The following ABHD12 variants were observed in gnomAD, a reference collection of about 807,000 sequenced individuals.
ABHD12 encodes the protein lysophosphatidylserine lipase ABHD12.
A neutral mutation model predicts 58.3 loss-of-function variants in ABHD12; 43 were observed. The ratio of observed to expected loss-of-function variants is 0.74; its 90% CI spans 0.58 to 0.95. The LOEUF is 0.95. Among genes scored for constraint, ABHD12 ranks in the 40% least tolerant of loss-of-function variants. ABHD12 has a pLI of 0.00. For synonymous variants in ABHD12, 219 were observed against 211.2 expected (o/e 1.04, Z -0.32); for missense variants, 539 against 537.2 (o/e 1.00, Z -0.03).
chr20:25,294,962 G>A, exon 13 of ABHD12: 1 of 1,614,100 alleles, frequency 6.2e-7, no homozygotes, highest in Non-Finnish European at 8.5e-7. Flanking sequence ...CGTGTCACCT[G>A]TTGGCTTCAG....
At chr20:25,351,839 T>G (rs62213687) in intron 1 of ABHD12, among the ~76,000 whole-genome samples, 77 of 152,034 alleles carry the variant, frequency 5.1e-4, no homozygotes, top group Admixed American at 2.4e-3. Flanking sequence ...GGGTGGAGGT[T>G]GAGGTGAGCT....
At chr20:25,327,782 C>G (rs1318558698) in intron 2 of ABHD12, among the ~76,000 whole-genome samples, 3 of 152,072 alleles carry the variant, frequency 2.0e-5, no homozygotes, top group Admixed American at 6.6e-5. Flanking sequence ...AGATTCTGAC[C>G]CTCCCCAAAT....
In ABHD12 at chr20:25,390,831, G is replaced by C; in HGVS notation, c.-128C>G. On this transcript the variant is annotated 5_prime_UTR_variant, in exon 1 of 13. Transcript: ENST00000339157. ...CGCTCCTCACATCCCAGCCCAGGCCGCTGCGCCGGCTACGAACCAGCGGCG... is the reference window on the plus strand; with the variant it reads ...CGCTCCTCACATCCCAGCCCAGGCCCCTGCGCCGGCTACGAACCAGCGGCG... 1 of 574,782 alleles carries C rather than the reference G, an allele frequency of 1.7e-6. No homozygotes were observed. 35.6% of individuals were successfully genotyped at this position (574,782 alleles called of 1,614,324 possible).
chr20:25,302,925 A>G (rs1191435946), intron 11 of ABHD12, among the ~76,000 whole-genome samples: 1 of 152,086 alleles, frequency 6.6e-6, no homozygotes, highest in Non-Finnish European at 1.5e-5. Flanking sequence ...CACACACCCA[A>G]CTAGTTTGCC....
chr20:25,315,869 C>T (rs981255694), intron 5 of ABHD12, among the ~76,000 whole-genome samples: 2 of 152,254 alleles, frequency 1.3e-5, no homozygotes, highest in Non-Finnish European at 2.9e-5. Context: ...GTGTTCCCTT[C>T]TGCCCTGTGG....
At chr20:25,306,377 A>G (rs2088741764) in intron 10 of ABHD12, among the ~76,000 whole-genome samples, 1 of 151,688 alleles carries the variant, frequency 6.6e-6, no homozygotes, top group Non-Finnish European at 1.5e-5. Context: ...CTGGCCCACA[A>G]TTTTTTTTGT....
chr20:25,300,194 G>A (rs146904153), downstream of ABHD12: 969 of 993,984 alleles, frequency 9.7e-4, 6 homozygotes, highest in Middle Eastern at 7.8e-3. Context: ...GACCCTTCTC[G>A]CGCTGCAGAG....
At chr20:25,302,198 G>C (rs995113615) in intron 12 of ABHD12, 21 bp downstream of exon 12, 7 of 1,612,530 alleles carry the variant, frequency 4.3e-6, no homozygotes, top group Non-Finnish European at 5.9e-6. Flanking sequence ...GAAGCCCCTG[G>C]GTGGGAAGAG....
At chr20:25,353,412 T>G (rs531661265) in intron 1 of ABHD12, among the ~76,000 whole-genome samples, 90 of 152,330 alleles carry the variant, frequency 5.9e-4, no homozygotes, top group Non-Finnish European at 8.7e-4. Context: ...ATGTAAATAT[T>G]TAAGCAGAAT....
intron 1 of ABHD12, among the ~76,000 whole-genome samples, chr20:25,358,705 T>C (rs2089700507): frequency 6.6e-6 from 1 of 152,028 alleles, no homozygotes; most frequent in African/African-American, 2.4e-5. Context: ...GTGCATAGGG[T>C]GGCACTCCGG....
rs2424708 is a variant in ABHD12 at position 25,300,762 on chromosome 20, C to T, written c.*83G>A. Reference sequence around the variant, plus strand: ...CTGAGCATTGCAGGTGCCGGCCCCCCGGGGCTTCAGGATACCGGGCTGCTG... The same window carrying T: ...CTGAGCATTGCAGGTGCCGGCCCCCTGGGGCTTCAGGATACCGGGCTGCTG... On this transcript the variant is annotated 3_prime_UTR_variant, in exon 13 of 13. Transcript: ENST00000339157. 0.44 allele frequency: 701,306 copies of T among 1,608,902 alleles called. 161,498 individuals carry two copies. Among genetic ancestry groups the T allele is most frequent in the East Asian group, 0.91 (40,880 of 44,696 alleles).
At chr20:25,387,606 A>AAAAAAAAAAAAAAAAC (rs2090109566) in intron 1 of ABHD12, among the ~76,000 whole-genome samples, 1 of 150,722 alleles carries the variant, frequency 6.6e-6, no homozygotes. Flanking sequence ...AAAAAAAAAA[A>AAAAAAAAAAAAAAAAC]AATTAACCAG....
chr20:25,312,312 G>T lies in ABHD12; in HGVS notation c.619+2613C>A, dbSNP rs541768791. Among the ~76,000 whole-genome samples the T allele has an allele frequency of 2.6e-5, 4 of 152,276 alleles. No individual in the cohort carries two copies. The East Asian group carries it at 7.8e-4, about 30-fold the overall frequency. On this transcript the variant is annotated intron_variant, in intron 6 of 12. Transcript: ENST00000339157. Reference sequence around the variant, plus strand: ...TCCTGCCTCAGCCTGCCGAGTGCCTGTGATTGCAGCAGCGCGCTGCCATGC... The same window carrying T: ...TCCTGCCTCAGCCTGCCGAGTGCCTTTGATTGCAGCAGCGCGCTGCCATGC...
intron 11 of ABHD12, 139 bp downstream of exon 11, chr20:25,303,411 A>T: frequency 6.5e-7 from 1 of 1,527,584 alleles, no homozygotes; most frequent in Non-Finnish European, 8.8e-7. Flanking sequence ...TGGCCTCCTG[A>T]GCCTGACGTG....
chr20:25,316,854 G>A (rs1302743007), intron 5 of ABHD12, among the ~76,000 whole-genome samples, 194 bp downstream of exon 5: 1 of 152,230 alleles, frequency 6.6e-6, no homozygotes, highest in African/African-American at 2.4e-5. Flanking sequence ...TTGAGCCCAG[G>A]AGGTCGACGC....
At chr20:25,387,589 T>TAAAAAAAAAAA (rs779293077) in intron 1 of ABHD12, among the ~76,000 whole-genome samples, 1,001 of 84,592 alleles carry the variant, frequency 0.012, 145 homozygotes, top group East Asian at 0.066. Flanking sequence ...TTCATCTCTA[T>TAAAAAAAAAAA]TAAAAAAAAA....
At chr20:25,297,290 A>AAAAT (rs2088562577), downstream of ABHD12, 2 of 152,270 alleles carry the variant, frequency 1.3e-5, no homozygotes, top group African/African-American at 4.8e-5. Flanking sequence ...TTCAAAAGAG[A>AAAAT]AAATAACTAC....
intron 1 of ABHD12, among the ~76,000 whole-genome samples, chr20:25,368,021 T>C (rs2089847162): frequency 6.6e-6 from 1 of 152,232 alleles, no homozygotes; most frequent in Non-Finnish European, 1.5e-5. Flanking sequence ...ACTAACAGTG[T>C]GCAAGGGTTC....
chr20:25,376,453 A>G (rs2089963823), intron 1 of ABHD12, among the ~76,000 whole-genome samples: 1 of 152,214 alleles, frequency 6.6e-6, no homozygotes, highest in African/African-American at 2.4e-5. Context: ...GTTCCCAAAG[A>G]AGAAAACAAA....
Sources: allele counts gnomAD v4.1 joint callset (sites outside exome capture counted in the v4.1 genomes callset), GRCh38; gene constraint gnomAD v4.1.1; transcripts MANE v1.5; gene names NCBI Gene and HGNC (gene_info 2026-07-23, HGNC 2026-07-21).